Variants in TPO observed in about 807,000 individuals in gnomAD.
TPO encodes thyroid peroxidase.
In TPO, 78 loss-of-function variants were observed where a neutral mutation model predicts 96.9. The observed-to-expected ratio is 0.81, with a 90% confidence interval of 0.67 to 0.97. TPO has a LOEUF of 0.97. Among genes scored for constraint, TPO ranks in the 50% least tolerant of loss-of-function variants. The pLI is 0.00. For synonymous variants in TPO, 547 were observed against 538.0 expected (o/e 1.02, Z -0.23); for missense variants, 1,252 against 1,274.8 (o/e 0.98, Z 0.27).
intron 15 of TPO, among the ~76,000 whole-genome samples, chr2:1,525,553 C>CCT: frequency 1.2e-5 from 1 of 81,392 alleles, no homozygotes; most frequent in Non-Finnish European, 2.5e-5. Flanking sequence ...CTCCCAAAAT[C>CCT]CCCCCACTGT....
In TPO at chr2:1,531,255, C is replaced by T. The variant is rs1394390907; in HGVS notation, c.2619-9339C>T. ...TGTGTGCAACCGCCTCATATTCCCC[C>T]CACTGTGTGGACCCTTCTCAAATCC... On this transcript the variant is annotated intron_variant, in intron 15 of 16. Coordinates refer to ENST00000329066, the MANE Select transcript of TPO (RefSeq NM_001206744.2). 5.3e-5 allele frequency among the ~76,000 whole-genome samples: 7 copies of T among 132,836 alleles called. 1 individual carries two copies. Among genetic ancestry groups the T allele is most frequent in the African/African-American group, 2.1e-4 (7 of 33,750 alleles). The allele number at this position is 132,836 out of a possible 152,430, so 87.1% of individuals were successfully genotyped here. A position where few individuals can be genotyped will look rare whatever the true frequency, so the allele number is the denominator to read the frequency against.
intron 3 of TPO, among the ~76,000 whole-genome samples, chr2:1,432,999 G>T (rs975165517): frequency 2.0e-5 from 3 of 152,196 alleles, no homozygotes; most frequent in Non-Finnish European, 2.9e-5. Context: ...AGTGGGAAGG[G>T]AAGAAGTTGG....
chr2:1,406,737 A>G (rs181743959), intron 1 of TPO, among the ~76,000 whole-genome samples: 368 of 152,366 alleles, frequency 2.4e-3, no homozygotes, highest in Admixed American at 5.4e-3. Flanking sequence ...TTTTCCTTTC[A>G]GTAATGTAAA....
intron 1 of TPO, among the ~76,000 whole-genome samples, chr2:1,380,977 T>C (rs1038751657): frequency 6.6e-6 from 1 of 152,076 alleles, no homozygotes; most frequent in Non-Finnish European, 1.5e-5. Context: ...CCATAGACTA[T>C]ATATATGCAC....
chr2:1,525,048 C>A (rs1316512455), intron 15 of TPO, among the ~76,000 whole-genome samples: 1 of 81,638 alleles, frequency 1.2e-5, no homozygotes, highest in Non-Finnish European at 2.6e-5. Context: ...GCAACCTCCC[C>A]CTATCCCTCC....
At chr2:1,488,794 G>A (rs1446432291) in intron 10 of TPO, among the ~76,000 whole-genome samples, 1 of 152,172 alleles carries the variant, frequency 6.6e-6, no homozygotes, top group Admixed American at 6.5e-5. Context: ...GCCTTCCTCT[G>A]TCCCCTGGCC....
At chr2:1,461,276 T>C (rs1668407778) in intron 7 of TPO, among the ~76,000 whole-genome samples, 1 of 152,168 alleles carries the variant, frequency 6.6e-6, no homozygotes, top group African/African-American at 2.4e-5. Context: ...CCACCCACAA[T>C]ACTCAGTTAT....
intron 14 of TPO, among the ~76,000 whole-genome samples, chr2:1,511,072 C>T (rs528287741): frequency 1.1e-4 from 16 of 152,330 alleles, no homozygotes; most frequent in East Asian, 1.9e-4. Flanking sequence ...TAGATTCAGG[C>T]GCTGATATAA....
Position 1,503,977 on chromosome 2 carries a change from C to A in TPO, c.2416C>A (p.Pro806Thr), listed in dbSNP as rs747299200. 7.4e-6 allele frequency: 12 copies of A among 1,614,078 alleles called. No homozygotes were observed. The highest frequency in any genetic ancestry group is 1.7e-5 in the Admixed American group (1 of 60,022). The change falls in exon 14 of 17, where the codon CCC becomes ACC. Residue 806 changes from proline to threonine, a missense_variant. Coordinates refer to ENST00000329066, the MANE Select transcript of TPO (RefSeq NM_001206744.2). ...DVNECADGAH[P>T]PCHASARCRN... is the part of the protein sequence containing the mutation. ...GAACGAGTGTGCAGACGGTGCCCAC[C>A]CCCCCTGCCACGCCTCTGCGAGGTG...
At chr2:1,414,298 C>T in intron 1 of TPO, 110 bp from the exon 2 acceptor site, 2 of 1,034,804 alleles carry the variant, frequency 1.9e-6, no homozygotes, top group South Asian at 2.7e-5. Context: ...GCGGTAGAGG[C>T]TGCGTGGAGT....
intron 14 of TPO, among the ~76,000 whole-genome samples, chr2:1,507,681 T>C (rs1429359201): frequency 6.6e-6 from 1 of 151,630 alleles, no homozygotes; most frequent in Non-Finnish European, 1.5e-5. Context: ...TTTGGCTCTC[T>C]GTTTGTCTGT....
chr2:1,455,020 C>A (rs780942337), intron 6 of TPO, among the ~76,000 whole-genome samples: 10 of 152,290 alleles, frequency 6.6e-5, no homozygotes, highest in Non-Finnish European at 1.0e-4. Flanking sequence ...CAGGGGAGAT[C>A]CCTTTCCTGG....
At chr2:1,419,840 C>A (rs922193121) in intron 2 of TPO, among the ~76,000 whole-genome samples, 2 of 152,228 alleles carry the variant, frequency 1.3e-5, no homozygotes, top group South Asian at 2.1e-4. Flanking sequence ...AGGCTAATAA[C>A]CCCTGTGAGT....
chr2:1,458,882 C>T (rs2148607341), intron 7 of TPO, among the ~76,000 whole-genome samples: 1 of 152,270 alleles, frequency 6.6e-6, no homozygotes, highest in East Asian at 1.9e-4. Context: ...TTGCCTTCTG[C>T]TTCATTGCTG....
At chr2:1,476,660 A>G (rs1669958713) in intron 7 of TPO, among the ~76,000 whole-genome samples, 1 of 152,252 alleles carries the variant, frequency 6.6e-6, no homozygotes, top group African/African-American at 2.4e-5. Context: ...TCTGAGCAGG[A>G]GCGAGACTGG....
At chr2:1,382,445 C>A (rs1322054560) in intron 1 of TPO, among the ~76,000 whole-genome samples, 1 of 152,224 alleles carries the variant, frequency 6.6e-6, no homozygotes, top group Non-Finnish European at 1.5e-5. Flanking sequence ...TGGCCAGCAA[C>A]ACTCACTTGC....
chr2:1,486,787 T>C (rs373669092), intron 9 of TPO, among the ~76,000 whole-genome samples: 4 of 151,848 alleles, frequency 2.6e-5, no homozygotes, highest in South Asian at 2.1e-4. Flanking sequence ...GTTGACCGGC[T>C]CCAGGCGTAG....
intron 16 of TPO, 141 bp from the exon 17 acceptor site, chr2:1,542,280 G>A (rs1680853123): frequency 8.5e-7 from 1 of 1,173,642 alleles, no homozygotes; most frequent in Non-Finnish European, 1.2e-6. Context: ...AGCATGACAA[G>A]CAAGAAGGAT....
At chr2:1,527,629 T>C (rs1234436933) in intron 15 of TPO, among the ~76,000 whole-genome samples, 1 of 126,922 alleles carries the variant, frequency 7.9e-6, no homozygotes, top group Non-Finnish European at 1.6e-5. Context: ...TCACCCCTAC[T>C]CTCTGCAGAC....
Sources: allele counts gnomAD v4.1 joint callset (sites outside exome capture counted in the v4.1 genomes callset), GRCh38; gene constraint gnomAD v4.1.1; transcripts MANE v1.5; gene names NCBI Gene and HGNC (gene_info 2026-07-23, HGNC 2026-07-21).